MAP3K20: variants seen among roughly 807,000 people sequenced by gnomAD.
The protein encoded by MAP3K20 is HCCS-4.
A neutral mutation model predicts 85.7 loss-of-function variants in MAP3K20; 40 were observed. The observed-to-expected ratio is 0.47, with a 90% CI of 0.36 to 0.61. The LOEUF (loss-of-function observed/expected upper bound fraction) is 0.61. Ranked by LOEUF, MAP3K20 falls within the 20% of genes least tolerant of loss-of-function variation. The pLI is 0.00. For synonymous variants in MAP3K20, 325 were observed against 327.7 expected, an observed-to-expected ratio of 0.99 and a Z score of 0.09; for missense variants, 817 against 961.7, an observed-to-expected ratio of 0.85 and a Z score of 1.99.
At chr2:173,247,099 T>C (rs1314409250) in intron 16 of MAP3K20, among the ~76,000 whole-genome samples, 1 of 152,216 alleles carries the variant, frequency 6.6e-6, no homozygotes, top group Non-Finnish European at 1.5e-5. Flanking sequence ...ACCCTTGCCA[T>C]TGTTAACACC....
intron 3 of MAP3K20, among the ~76,000 whole-genome samples, chr2:173,173,905 T>G (rs3769176): frequency 6.6e-6 from 1 of 151,960 alleles, no homozygotes; most frequent in Non-Finnish European, 1.5e-5. Context: ...AAGGAAATTT[T>G]TGCTTAATGT....
At chr2:173,228,451 G>C (rs1684442771) in intron 11 of MAP3K20, among the ~76,000 whole-genome samples, 1 of 152,042 alleles carries the variant, frequency 6.6e-6, no homozygotes, top group Non-Finnish European at 1.5e-5. Flanking sequence ...GAATCCCTTT[G>C]TGAATACATC....
chr2:173,109,464 GT>G (rs1402799001), intron 2 of MAP3K20, among the ~76,000 whole-genome samples: 1 of 151,066 alleles, frequency 6.6e-6, no homozygotes, highest in Non-Finnish European at 1.5e-5. Context: ...ATGTCTTTCC[GT>G]TTATTATGGT....
rs142544089 is a variant in MAP3K20 at position 173,091,154 on chromosome 2, G to A, written c.123G>A (p.Glu41=). The change falls in exon 2 of 20, where the codon GAG becomes GAA. Residue 41 remains glutamate (E), a synonymous_variant. Coordinates refer to ENST00000375213, the MANE Select transcript of MAP3K20 (RefSeq NM_016653.3). ...YRAKWISQDK[E]VAVKKLLKIE... is the part of the protein sequence containing the mutation. ...CCAAATGGATATCACAGGACAAGGA[G>A]GTGGCTGTAAAGAAGCTCCTCAAAA... 3.5e-5 allele frequency: 56 copies of A among 1,613,752 alleles called. No individual in the cohort carries two copies. In the African/African-American group the frequency reaches 4.9e-4, roughly 14 times the overall value.
chr2:173,231,347 A>G (rs563969089), intron 12 of MAP3K20, among the ~76,000 whole-genome samples: 1 of 152,298 alleles, frequency 6.6e-6, no homozygotes, highest in Non-Finnish European at 1.5e-5. Context: ...ATTTCTTCCC[A>G]TTCACTGAGC....
chr2:173,259,983 G>A (rs1685250195), intron 17 of MAP3K20, among the ~76,000 whole-genome samples: 1 of 152,084 alleles, frequency 6.6e-6, no homozygotes, highest in African/African-American at 2.4e-5. Context: ...CTAGAACTGG[G>A]ACAGACCAAT....
chr2:173,229,793 T>C lies in MAP3K20; in HGVS notation c.1032+60T>C, dbSNP rs1684479923. The C allele has an allele frequency of 1.0e-5, 16 of 1,594,026 alleles. 1 individual carries two copies. In the South Asian group the frequency reaches 1.7e-4, roughly 17 times the overall value. On this transcript the variant is annotated intron_variant, in intron 12 of 19. Coordinates refer to ENST00000375213, the MANE Select transcript of MAP3K20 (RefSeq NM_016653.3). ...AGCAGGTATTTCATAAATTTTTCCC[T>C]AAGTTTTTAGGGGAAGAGATTGGGC...
intron 1 of MAP3K20, among the ~76,000 whole-genome samples, chr2:173,086,024 G>C (rs1404070742): frequency 3.3e-5 from 5 of 151,922 alleles, no homozygotes; most frequent in African/African-American, 1.2e-4. Context: ...TCGAACTCCT[G>C]ACCTCAAGTG....
chr2:173,236,266 TAAAAAAAAAAAA>T (rs67764486), intron 14 of MAP3K20, among the ~76,000 whole-genome samples: 2 of 64,706 alleles, frequency 3.1e-5, no homozygotes, highest in Non-Finnish European at 5.4e-5. Context: ...AGACCCTGTC[TAAAAAAAAAAAA>T]AAAAAAAAAA....
chr2:173,239,619 A>G, intron 16 of MAP3K20, 123 bp downstream of exon 16: 1 of 826,474 alleles, frequency 1.2e-6, no homozygotes, highest in Non-Finnish European at 1.8e-6. Context: ...AAATTTATAG[A>G]CTTTATAAAA....
chr2:173,121,080 A>AT (rs1460007729), intron 2 of MAP3K20, among the ~76,000 whole-genome samples: 1 of 152,124 alleles, frequency 6.6e-6, no homozygotes, highest in Non-Finnish European at 1.5e-5. Flanking sequence ...GTGGTCCGTG[A>AT]TTCAAGGCAT....
intron 7 of MAP3K20, among the ~76,000 whole-genome samples, chr2:173,191,984 T>C (rs1436242327): frequency 1.3e-5 from 2 of 152,212 alleles, no homozygotes; most frequent in Non-Finnish European, 2.9e-5. Flanking sequence ...TTGCCTTTTG[T>C]TGAGGATAAA....
At chr2:173,150,544 G>A (rs752717078) in intron 2 of MAP3K20, among the ~76,000 whole-genome samples, 9 of 152,132 alleles carry the variant, frequency 5.9e-5, no homozygotes, top group South Asian at 2.1e-4. Context: ...CTGTGTATCC[G>A]AGTTCAGTTC....
At chr2:173,089,586 TC>T (rs144179062) in intron 1 of MAP3K20, among the ~76,000 whole-genome samples, 21,589 of 151,754 alleles carry the variant, frequency 0.14, 1,968 homozygotes, top group Non-Finnish European at 0.21. Context: ...TCATCGTGTT[TC>T]CCTTTTTTTT....
At chr2:173,261,038 C>T in intron 17 of MAP3K20, 25 bp from the exon 18 acceptor site, 1 of 1,609,790 alleles carries the variant, frequency 6.2e-7, no homozygotes, top group Non-Finnish European at 8.5e-7. Context: ...TATGGTACTA[C>T]ACCATCCTAA....
intron 18 of MAP3K20, among the ~76,000 whole-genome samples, chr2:173,263,422 TATA>T (rs1685339915): frequency 6.6e-6 from 1 of 152,232 alleles, no homozygotes; most frequent in Non-Finnish European, 1.5e-5. Context: ...ATTTGTCAAA[TATA>T]ATAAATTCTG....
intron 9 of MAP3K20, chr2:173,207,568 G>C (rs1407775610): frequency 6.6e-6 from 1 of 152,160 alleles, no homozygotes; most frequent in East Asian, 1.9e-4. Flanking sequence ...AAAAGATGTT[G>C]AACAGTTTAT....
intron 16 of MAP3K20, among the ~76,000 whole-genome samples, chr2:173,254,948 C>G (rs1685125432): frequency 6.6e-6 from 1 of 152,216 alleles, no homozygotes; most frequent in South Asian, 2.1e-4. Context: ...GCAGCATATT[C>G]TCTTTCTCTC....
At chr2:173,223,536 T>A (rs1559288222) in intron 11 of MAP3K20, 2 of 985,368 alleles carry the variant, frequency 2.0e-6, no homozygotes, top group Non-Finnish European at 2.4e-6. Context: ...ATTTTCTCTG[T>A]AGTATGAGAT....
Sources: gnomAD v4.1 joint callset for allele counts (sites outside exome capture counted in the v4.1 genomes callset) on GRCh38, gnomAD v4.1.1 for gene constraint, MANE v1.5 for transcripts, NCBI Gene and HGNC (gene_info 2026-07-23, HGNC 2026-07-21) for gene names.